The following ARHGAP6 variants were observed in gnomAD, a reference collection of about 807,000 sequenced individuals.
ARHGAP6 encodes Rho GTPase activating protein 6, also known as rho GTPase-activating protein 6.
Under a neutral mutation model 55.7 loss-of-function variants are expected in ARHGAP6, and 16 were observed. The observed-to-expected ratio is 0.29, with a 90% confidence interval of 0.19 to 0.44. The LOEUF (loss-of-function observed/expected upper bound fraction) is 0.44, where lower values mean the gene tolerates loss of function less well. Ranked by LOEUF, ARHGAP6 falls within the 20% of genes least tolerant of loss-of-function variation. The pLI is 1.00. For synonymous variants in ARHGAP6, 382 were observed against 360.9 expected (o/e 1.06, Z -0.66); for missense variants, 698 against 808.9 (o/e 0.86, Z 1.66).
chrX:11,357,851 C>A (rs763234543), intron 1 of ARHGAP6, among the ~76,000 whole-genome samples: 1 of 111,971 alleles, frequency 8.9e-6, no homozygotes, highest in African/African-American at 3.2e-5. Context: ...TGCTTTTTCT[C>A]GAACTTGAGT....
At position 11,497,559 on chromosome X, in the gene ARHGAP6, TTC is replaced by T. The variant is rs34138329; in HGVS notation, c.588+166680_588+166681del. Among the ~76,000 whole-genome samples, 314 of 41,095 alleles carry T rather than the reference TTC, an allele frequency of 7.6e-3. 1 individual carries two copies. Among genetic ancestry groups the T allele is most frequent in the African/African-American group, 0.026 (274 of 10,708 alleles). The allele number at this position is 41,095 out of a possible 115,157, so 35.7% of individuals were successfully genotyped here. ...CTCCCACCCCCTTCCCCCTCCCTCC[TTC>T]TCTCTCTCTCTCTCTCTCTCTCTCT... On this transcript the variant is annotated intron_variant, in intron 1 of 12. Transcript: ENST00000337414.
intron 10 of ARHGAP6, among the ~76,000 whole-genome samples, chrX:11,147,471 G>A (rs2045715374): frequency 8.9e-6 from 1 of 112,665 alleles, no homozygotes; most frequent in African/African-American, 3.2e-5. Context: ...AAGCAGAATT[G>A]TGAGGGCCTT....
chrX:11,248,726 T>G (rs765334379), intron 2 of ARHGAP6, among the ~76,000 whole-genome samples: 24 of 112,153 alleles, frequency 2.1e-4, no homozygotes, highest in Middle Eastern at 4.6e-3. Context: ...GATACCACCT[T>G]ACTCCTGCAA....
intron 1 of ARHGAP6, among the ~76,000 whole-genome samples, chrX:11,522,576 T>C (rs779147969): frequency 1.5e-3 from 167 of 111,266 alleles, no homozygotes; most frequent in African/African-American, 5.3e-3. Flanking sequence ...CCCACAGAAA[T>C]ACAAACTACC....
At chrX:11,352,880 A>G (rs1385759918) in intron 1 of ARHGAP6, among the ~76,000 whole-genome samples, 4 of 111,989 alleles carry the variant, frequency 3.6e-5, no homozygotes, top group Non-Finnish European at 7.5e-5. Flanking sequence ...ACCTGGATTG[A>G]TGTATACATA....
At chrX:11,288,050 G>A (rs561953196) in intron 1 of ARHGAP6, among the ~76,000 whole-genome samples, 4 of 112,056 alleles carry the variant, frequency 3.6e-5, no homozygotes, top group African/African-American at 9.7e-5. Context: ...GTTTAAAACT[G>A]ACCACCCTAT....
chrX:11,222,034 GA>G (rs1163812605), intron 2 of ARHGAP6, among the ~76,000 whole-genome samples: 1 of 111,076 alleles, frequency 9.0e-6, no homozygotes, highest in African/African-American at 3.3e-5. Flanking sequence ...TAAAGTATGA[GA>G]AAAAATTGAA....
intron 1 of ARHGAP6, among the ~76,000 whole-genome samples, chrX:11,337,310 GTTTTA>G (rs780788468): frequency 1.2e-4 from 13 of 111,386 alleles, no homozygotes; most frequent in Admixed American, 1.9e-4. Flanking sequence ...GCAATGATCA[GTTTTA>G]TTTGTTTCCT....
chrX:11,536,202 C>A (rs1206530659), intron 1 of ARHGAP6, among the ~76,000 whole-genome samples: 1 of 111,646 alleles, frequency 9.0e-6, no homozygotes, highest in African/African-American at 3.3e-5. Flanking sequence ...CCCATGACAT[C>A]CAGCTTCACA....
At chrX:11,316,971 C>T (rs932409304) in intron 1 of ARHGAP6, among the ~76,000 whole-genome samples, 8 of 112,150 alleles carry the variant, frequency 7.1e-5, no homozygotes, top group Admixed American at 6.6e-4. Context: ...TATTATATGA[C>T]GGGTATTTAT....
intron 1 of ARHGAP6, among the ~76,000 whole-genome samples, chrX:11,268,346 A>G (rs2047652515): frequency 8.9e-6 from 1 of 112,088 alleles, no homozygotes; most frequent in African/African-American, 3.2e-5. Context: ...ATAAAATCAA[A>G]TAGCCACTAC....
intron 9 of ARHGAP6, among the ~76,000 whole-genome samples, chrX:11,162,935 A>G (rs1341406437): frequency 8.9e-6 from 1 of 112,395 alleles, no homozygotes; most frequent in Non-Finnish European, 1.9e-5. Flanking sequence ...CAAAATGGGA[A>G]CTAAGGAGAA....
intron 1 of ARHGAP6, among the ~76,000 whole-genome samples, chrX:11,566,057 C>A (rs1283031371): frequency 1.8e-5 from 2 of 112,304 alleles, no homozygotes; most frequent in Non-Finnish European, 3.8e-5. Context: ...TTCCTCTTCA[C>A]CCCAGATACG....
chrX:11,606,304 T>C (rs1182902862), intron 1 of ARHGAP6, among the ~76,000 whole-genome samples: 1 of 112,095 alleles, frequency 8.9e-6, no homozygotes, highest in Non-Finnish European at 1.9e-5. Flanking sequence ...ATAGAGCTGC[T>C]ACACTTAGTG....
At chrX:11,439,492 C>G (rs2050020387) in intron 1 of ARHGAP6, among the ~76,000 whole-genome samples, 1 of 112,092 alleles carries the variant, frequency 8.9e-6, no homozygotes, top group Non-Finnish European at 1.9e-5. Context: ...AAAATGTTCA[C>G]CCACCCCTGA....
intron 8 of ARHGAP6, among the ~76,000 whole-genome samples, chrX:11,176,099 T>C (rs1303224696): frequency 4.9e-5 from 5 of 101,184 alleles, no homozygotes; most frequent in Non-Finnish European, 8.0e-5. Context: ...AATGCACTAA[T>C]ATGCCACTCG....
intron 1 of ARHGAP6, among the ~76,000 whole-genome samples, chrX:11,305,522 G>C (rs2048229380): frequency 8.9e-6 from 1 of 112,242 alleles, no homozygotes; most frequent in South Asian, 3.7e-4. Flanking sequence ...GTTCCTGCTT[G>C]TTTGACCTTC....
chrX:11,378,156 C>G (rs2049223537), intron 1 of ARHGAP6, among the ~76,000 whole-genome samples: 2 of 112,366 alleles, frequency 1.8e-5, no homozygotes, highest in Non-Finnish European at 3.8e-5. Flanking sequence ...CAAATGAAAA[C>G]AGCCCCCTCC....
intron 1 of ARHGAP6, among the ~76,000 whole-genome samples, chrX:11,412,022 C>T (rs1041869078): frequency 9.0e-6 from 1 of 111,518 alleles, no homozygotes; most frequent in African/African-American, 3.3e-5. Flanking sequence ...GAAGGCATTA[C>T]ACTTTCACAC....
Sources: allele counts gnomAD v4.1 joint callset (sites outside exome capture counted in the v4.1 genomes callset), GRCh38; gene constraint gnomAD v4.1.1; transcripts MANE v1.5; gene names NCBI Gene and HGNC (gene_info 2026-07-23, HGNC 2026-07-21).